Variants in NTNG1 observed in about 807,000 individuals in gnomAD.
The protein encoded by NTNG1 is netrin G1.
Under a neutral mutation model 54.0 loss-of-function variants are expected in NTNG1, and 16 were observed. The ratio of observed to expected loss-of-function variants is 0.30; its 90% CI spans 0.20 to 0.45. The LOEUF (loss-of-function observed/expected upper bound fraction) is 0.45, where lower values mean the gene tolerates loss of function less well. NTNG1 is among the 20% of genes least tolerant of loss of function. The pLI, the probability that NTNG1 is intolerant of heterozygous loss-of-function variation, is 1.00. For missense variants in NTNG1, 530 were observed against 678.7 expected (o/e 0.78, Z 2.43); for synonymous variants, 255 against 263.1 (o/e 0.97, Z 0.30).
chr1:107,308,141 A>T (rs1666795094), intron 2 of NTNG1, among the ~76,000 whole-genome samples: 5 of 152,030 alleles, frequency 3.3e-5, no homozygotes, highest in Admixed American at 3.3e-4. Flanking sequence ...TGCTGTGCAG[A>T]AGCTCTTAAG....
intron 3 of NTNG1, among the ~76,000 whole-genome samples, chr1:107,363,958 C>T (rs1244074902): frequency 2.6e-5 from 4 of 152,038 alleles, no homozygotes; most frequent in Admixed American, 6.6e-5. Context: ...AGAACTGTCT[C>T]TTTTTATTTT....
chr1:107,392,610 G>T (rs1040228754), intron 3 of NTNG1, among the ~76,000 whole-genome samples: 10 of 152,086 alleles, frequency 6.6e-5, no homozygotes, highest in African/African-American at 2.4e-4. Context: ...CAACAAGGAG[G>T]TCGTGGGTGA....
At chr1:107,348,725 C>G (rs1669417208) in intron 3 of NTNG1, among the ~76,000 whole-genome samples, 1 of 152,060 alleles carries the variant, frequency 6.6e-6, no homozygotes, top group Non-Finnish European at 1.5e-5. Flanking sequence ...CAAGTTGAAC[C>G]CTGCCTCTCC....
intron 3 of NTNG1, among the ~76,000 whole-genome samples, chr1:107,340,879 C>T (rs1668860279): frequency 6.6e-6 from 1 of 151,928 alleles, no homozygotes; most frequent in Non-Finnish European, 1.5e-5. Flanking sequence ...CAAATGCTAC[C>T]CACATTTGCA....
At chr1:107,299,216 G>A (rs1666173476) in intron 2 of NTNG1, among the ~76,000 whole-genome samples, 2 of 152,098 alleles carry the variant, frequency 1.3e-5, no homozygotes, top group Non-Finnish European at 2.9e-5. Flanking sequence ...AAGAGATACA[G>A]CAAAGTCAGT....
At chr1:107,451,108 C>T (rs1187311125) in intron 7 of NTNG1, among the ~76,000 whole-genome samples, 7 of 138,384 alleles carry the variant, frequency 5.1e-5, no homozygotes, top group South Asian at 2.3e-4. Flanking sequence ...TTCTTTCTTT[C>T]TTTTTTTTTT....
intron 7 of NTNG1, 22 bp downstream of exon 7, chr1:107,436,821 C>T: frequency 6.2e-7 from 1 of 1,611,028 alleles, no homozygotes; most frequent in Non-Finnish European, 8.5e-7. Flanking sequence ...TGGGAGCTGC[C>T]CTCTGCCTGC....
intron 2 of NTNG1, among the ~76,000 whole-genome samples, chr1:107,279,585 G>C (rs1664695780): frequency 6.6e-6 from 1 of 152,094 alleles, no homozygotes. Context: ...ATTATTTCTT[G>C]ACTCTCCTTA....
At chr1:107,241,722 C>A (rs1274129894) in intron 2 of NTNG1, among the ~76,000 whole-genome samples, 3 of 152,112 alleles carry the variant, frequency 2.0e-5, no homozygotes, top group Admixed American at 6.6e-5. Flanking sequence ...CACTACTATA[C>A]CATGTTTTAA....
At chr1:107,350,890 G>A (rs558831835) in intron 3 of NTNG1, among the ~76,000 whole-genome samples, 2 of 152,278 alleles carry the variant, frequency 1.3e-5, no homozygotes, top group South Asian at 4.2e-4. Flanking sequence ...TTTCAGTTAT[G>A]CAGGTTGAAT....
intron 7 of NTNG1, among the ~76,000 whole-genome samples, chr1:107,464,904 C>G (rs1242526037): frequency 3.9e-5 from 6 of 152,104 alleles, no homozygotes; most frequent in Non-Finnish European, 1.5e-5. Context: ...AGCTGAGATG[C>G]CCACAGGGAA....
Position 107,481,803 on chromosome 1 carries a change from C to T in NTNG1, c.*963C>T, listed in dbSNP as rs939244894. 3 of 152,552 alleles carry T rather than the reference C, an allele frequency of 2.0e-5. No homozygotes were observed. Among genetic ancestry groups the T allele is most frequent in the African/African-American group, 4.8e-5 (2 of 41,422 alleles). The allele number at this position is 152,552 out of a possible 1,614,324, so 9.4% of individuals were successfully genotyped here. A position where few individuals can be genotyped will look rare whatever the true frequency, so the allele number is the denominator to read the frequency against. On this transcript the variant is annotated 3_prime_UTR_variant, in exon 8 of 8. Transcript: ENST00000370068. ...CACCAAAGGACATTCTAAATGTTTTCTTGTTGCTTTAACACTGGAAGATTT... is the reference window on the plus strand; with the variant it reads ...CACCAAAGGACATTCTAAATGTTTTTTTGTTGCTTTAACACTGGAAGATTT...
chr1:107,422,704 A>G (rs368320690), intron 5 of NTNG1, among the ~76,000 whole-genome samples: 6 of 151,852 alleles, frequency 4.0e-5, no homozygotes, highest in South Asian at 4.2e-4. Context: ...TAGAGTTCCA[A>G]CTCCTTCACC....
chr1:107,475,976 A>G (rs1198248971), intron 7 of NTNG1, among the ~76,000 whole-genome samples: 3 of 152,208 alleles, frequency 2.0e-5, no homozygotes, highest in Non-Finnish European at 4.4e-5. Flanking sequence ...CATCCATTAA[A>G]TGTTAATTCT....
intron 3 of NTNG1, among the ~76,000 whole-genome samples, chr1:107,364,587 G>A (rs1184569049): frequency 6.6e-6 from 1 of 152,122 alleles, no homozygotes; most frequent in African/African-American, 2.4e-5. Flanking sequence ...GAAGGGCCTG[G>A]GGTACTCTCA....
At chr1:107,232,130 G>A (rs1661109344) in intron 2 of NTNG1, among the ~76,000 whole-genome samples, 1 of 152,142 alleles carries the variant, frequency 6.6e-6, no homozygotes, top group Non-Finnish European at 1.5e-5. Flanking sequence ...GGGACACAAT[G>A]TGTAACCTTC....
intron 2 of NTNG1, among the ~76,000 whole-genome samples, chr1:107,276,095 G>C (rs1664455255): frequency 6.6e-6 from 1 of 152,132 alleles, no homozygotes. Context: ...TTGATATCTT[G>C]AGTATATATA....
intron 2 of NTNG1, among the ~76,000 whole-genome samples, chr1:107,172,378 A>G (rs1656315977): frequency 6.6e-6 from 1 of 152,164 alleles, no homozygotes; most frequent in Non-Finnish European, 1.5e-5. Context: ...TAAGACTTTT[A>G]TATGTGTTCA....
chr1:107,326,641 T>G (rs1344969626), intron 3 of NTNG1, among the ~76,000 whole-genome samples: 1 of 152,118 alleles, frequency 6.6e-6, no homozygotes, highest in Non-Finnish European at 1.5e-5. Flanking sequence ...CCTAGTGTAA[T>G]CTACATTGCT....
Sources: gnomAD v4.1 joint callset for allele counts (sites outside exome capture counted in the v4.1 genomes callset) on GRCh38, gnomAD v4.1.1 for gene constraint, MANE v1.5 for transcripts, NCBI Gene and HGNC (gene_info 2026-07-23, HGNC 2026-07-21) for gene names.